FBLN1: variants seen among roughly 807,000 people sequenced by gnomAD.
FBLN1 encodes the protein fibulin-1.
Under a neutral mutation model 89.7 loss-of-function variants are expected in FBLN1, and 34 were observed. The ratio of observed to expected loss-of-function variants is 0.38; its 90% confidence interval spans 0.29 to 0.50. The LOEUF (loss-of-function observed/expected upper bound fraction) is 0.50, where lower values mean the gene tolerates loss of function less well. Among genes scored for constraint, FBLN1 ranks in the 20% least tolerant of loss-of-function variants. The pLI, the probability that FBLN1 is intolerant of heterozygous loss-of-function variation, is 0.92. For missense variants in FBLN1, 777 were observed against 988.1 expected (o/e 0.79, Z 2.86); for synonymous variants, 393 against 391.3 (o/e 1.00, Z -0.05).
rs1031279147 is a variant in FBLN1 at position 45,596,652 on chromosome 22, CATAAT to C, written c.1973-3649_1973-3645del. On this transcript the variant is annotated intron_variant, in intron 16 of 16. Transcript: ENST00000327858. ...TAATATAATTATATACATATATCAA[CATAAT>C]ATAATTATGTACATATAGCAACATA... 4.6e-4 allele frequency among the ~76,000 whole-genome samples: 68 copies of C among 146,774 alleles called. 2 individuals carry two copies. The highest frequency in any genetic ancestry group is 2.7e-4 in the Admixed American group (4 of 14,704).
chr22:45,574,786 T>TC lies in FBLN1; in HGVS notation c.1840+133_1840+134insC. On this transcript the variant is annotated intron_variant, in intron 15 of 16. Transcript: ENST00000327858. This position sits in a 1 kb window ranked among gnomAD's most constrained non-coding sequence, Gnocchi z 4.1. ...TGAAATGCAGAACTTTCTTTTTTTT[T>TC]TTTTTTTTTTTTTGAGACGGAGTCT... 1 of 811,048 alleles carries TC rather than the reference T, an allele frequency of 1.2e-6. No individual in the cohort carries two copies. The highest frequency in any genetic ancestry group is 2.7e-5 in the East Asian group (1 of 37,096). The allele number at this position is 811,048 out of a possible 1,614,324, so 50.2% of individuals were successfully genotyped here.
rs1390192110 is a variant in FBLN1 at position 45,580,091 on chromosome 22, G to C, written c.1972+2983G>C. 6.6e-6 allele frequency among the ~76,000 whole-genome samples: 1 copy of C among 152,178 alleles called. No individual in the cohort carries two copies. The highest frequency in any genetic ancestry group is 2.4e-5 in the African/African-American group (1 of 41,450). Reference sequence around the variant, plus strand: ...TTGTCTCCCTTGGGCAAAGGAGGGAGCTGAGTTAAATGACCGCCTGAGACT... The same window carrying C: ...TTGTCTCCCTTGGGCAAAGGAGGGACCTGAGTTAAATGACCGCCTGAGACT... On this transcript the variant is annotated intron_variant, in intron 16 of 16. Transcript: ENST00000327858. This position sits in a 1 kb window ranked among gnomAD's most constrained non-coding sequence, Gnocchi z 8.6.
At chr22:45,596,159 A>G (rs562233949) in intron 16 of FBLN1, among the ~76,000 whole-genome samples, 37 of 152,180 alleles carry the variant, frequency 2.4e-4, no homozygotes, top group East Asian at 5.8e-4. Context: ...GTGAGCCACT[A>G]CGCCCGGCCA....
rs777551656 is a variant in FBLN1, at chr22:45,563,195, G to A, written c.1698-11316G>A. On this transcript the variant is annotated intron_variant, in intron 14 of 16. Coordinates refer to ENST00000327858, the MANE Select transcript of FBLN1 (RefSeq NM_006486.3). The surrounding 1 kb of genome is among the most constrained non-coding windows in gnomAD (Gnocchi z 5.7). ...GGACTTGCTCCTGACCGTCAAGATGGATCTCTCTCGCCACGGCACCGTCAG... is the reference window on the plus strand; with the variant it reads ...GGACTTGCTCCTGACCGTCAAGATGAATCTCTCTCGCCACGGCACCGTCAG... 4 of 1,613,628 alleles carry A rather than the reference G, an allele frequency of 2.5e-6. No homozygotes were observed. In the South Asian group the frequency reaches 4.4e-5, roughly 18 times the overall value.
chr22:45,531,427 G>A lies in FBLN1; in HGVS notation c.544+103G>A. On this transcript the variant is annotated intron_variant, in intron 5 of 16. Coordinates refer to ENST00000327858, the MANE Select transcript of FBLN1 (RefSeq NM_006486.3). This position sits in a 1 kb window ranked among gnomAD's most constrained non-coding sequence, Gnocchi z 4.9. ...CCTAGTACTTTGGGAAGCCAAGGCA[G>A]GAGGATTCCTTGAGCCCAGGAGGTT... The A allele has an allele frequency of 2.0e-6, 2 of 1,001,884 alleles. No individual in the cohort carries two copies. Among genetic ancestry groups the A allele is most frequent in the Non-Finnish European group, 3.2e-6 (2 of 632,242 alleles). 62.1% of individuals were successfully genotyped at this position (1,001,884 alleles called of 1,614,324 possible).
chr22:45,550,102 A>G lies in FBLN1; in HGVS notation c.1574-390A>G, dbSNP rs1216115816. ...AAAGCTCAGCTCTGACATTTATAAA[A>G]TGTGTGACCTCAGGCAGGTCTCTTA... On this transcript the variant is annotated intron_variant, in intron 13 of 16. Coordinates refer to ENST00000327858, the MANE Select transcript of FBLN1 (RefSeq NM_006486.3). This position sits in a 1 kb window ranked among gnomAD's most constrained non-coding sequence, Gnocchi z 8.4. Among the ~76,000 whole-genome samples, 1 of 152,108 alleles carries G rather than the reference A, an allele frequency of 6.6e-6. No homozygotes were observed.
chr22:45,534,030 A>G, intron 7 of FBLN1, 132 bp downstream of exon 7: 2 of 1,259,836 alleles, frequency 1.6e-6, no homozygotes, highest in South Asian at 2.4e-5. Context: ...CTGCCTGCTC[A>G]TCTGCAGGAG....
rs571637110 is a variant in FBLN1 at position 45,581,366 on chromosome 22, T to C, written c.1972+4258T>C. On this transcript the variant is annotated intron_variant, in intron 16 of 16. Transcript: ENST00000327858. This position sits in a 1 kb window ranked among gnomAD's most constrained non-coding sequence, Gnocchi z 7.6. The stretch of plus-strand genomic sequence containing the variant: ...CTCCACTCAGCCTCAAGACCCAGCA[T>C]GTGTGTGACCACTTCCAAGAAGCCT... 5.9e-5 allele frequency among the ~76,000 whole-genome samples: 9 copies of C among 151,972 alleles called. No homozygotes were observed. The highest frequency in any genetic ancestry group is 1.3e-4 in the Admixed American group (2 of 15,282).
intron 2 of FBLN1, among the ~76,000 whole-genome samples, chr22:45,520,094 C>CG (rs1316167092): frequency 3.3e-5 from 5 of 151,958 alleles, no homozygotes; most frequent in Admixed American, 6.6e-5. Flanking sequence ...CGCTTGAACC[C>CG]GGGAAGCGGA....
chr22:45,555,044 A>G (rs1437467673), intron 14 of FBLN1, among the ~76,000 whole-genome samples: 8 of 150,018 alleles, frequency 5.3e-5, no homozygotes, highest in African/African-American at 1.8e-4. Context: ...GGAGGTTAGG[A>G]CCCGTCCCCG....
rs753833769 is a variant in FBLN1, at chr22:45,523,094, C to T, written c.186-2449C>T. 15 of 766,874 alleles carry T rather than the reference C, an allele frequency of 2.0e-5. No homozygotes were observed. The Middle Eastern group carries it at 6.8e-4, about 35-fold the overall frequency. The allele number at this position is 766,874 out of a possible 1,614,324, so 47.5% of individuals were successfully genotyped here. ...CATGGTGGGTTTATAATTTTAGAGC[C>T]GTGGGGTTGGCCTCACTGTGCCAGG... is the stretch of plus-strand genomic sequence containing the variant. On this transcript the variant is annotated intron_variant, in intron 2 of 16. Coordinates refer to ENST00000327858, the MANE Select transcript of FBLN1 (RefSeq NM_006486.3).
Position 45,576,920 on chromosome 22 carries a change from G to C in FBLN1, c.1841-57G>C, listed in dbSNP as rs888340201. ...AGGGTGAGTTCCTGGGGACGAGGCT[G>C]GGACTGGGGCTGGGGCCAGGCTGTG... On this transcript the variant is annotated intron_variant, in intron 15 of 16. Transcript: ENST00000327858. The surrounding 1 kb of genome is among the most constrained non-coding windows in gnomAD (Gnocchi z 5.2). 6.2e-7 allele frequency: 1 copy of C among 1,607,928 alleles called. No homozygotes were observed. Among genetic ancestry groups the C allele is most frequent in the Admixed American group, 1.7e-5 (1 of 59,950 alleles).
At chr22:45,540,568 T>G (rs2088542311) in intron 8 of FBLN1, among the ~76,000 whole-genome samples, 1 of 152,194 alleles carries the variant, frequency 6.6e-6, no homozygotes. Context: ...GATGCTTAGG[T>G]CCTTTTCCAC....
intron 14 of FBLN1, among the ~76,000 whole-genome samples, chr22:45,560,332 G>C (rs1290855835): frequency 6.6e-6 from 1 of 152,218 alleles, no homozygotes; most frequent in African/African-American, 2.4e-5. Context: ...AGATGCAGGT[G>C]CTGCCCTCAC....
intron 9 of FBLN1, among the ~76,000 whole-genome samples, chr22:45,541,837 C>A (rs1216352197): frequency 6.6e-6 from 1 of 152,240 alleles, no homozygotes; most frequent in African/African-American, 2.4e-5. Flanking sequence ...GGGCACCCAG[C>A]CTGCCTAGAT....
chr22:45,587,205 C>T (rs1025302399), intron 16 of FBLN1, among the ~76,000 whole-genome samples: 3 of 152,130 alleles, frequency 2.0e-5, no homozygotes, highest in African/African-American at 7.2e-5. Context: ...CCACAGCCGG[C>T]GTTGCTGTGA....
chr22:45,525,683 G>A lies in FBLN1; in HGVS notation c.321+5G>A, dbSNP rs1027120417. ...CTGGAGGCCACATTTGTGAAGGTGAGAGCCAAAGACCATGTGGGGTCGCTG... is the reference window on the plus strand; with the variant it reads ...CTGGAGGCCACATTTGTGAAGGTGAAAGCCAAAGACCATGTGGGGTCGCTG... On this transcript the variant is annotated splice_donor_5th_base_variant and intron_variant, in intron 3 of 16. Transcript: ENST00000327858. 1.3e-6 allele frequency: 2 copies of A among 1,551,440 alleles called. No homozygotes were observed. Among genetic ancestry groups the A allele is most frequent in the East Asian group, 2.4e-5 (1 of 40,920 alleles).
In FBLN1 at chr22:45,562,794, G is replaced by A. The variant is rs1231746964; in HGVS notation, c.1698-11717G>A. On this transcript the variant is annotated intron_variant, in intron 14 of 16. Transcript: ENST00000327858. This position sits in a 1 kb window ranked among gnomAD's most constrained non-coding sequence, Gnocchi z 7.8. ...TGTGCCCTTCGTGTTGGCTGAATCG[G>A]CCAGAGGGGCGGCGGGAGGCCCCGC... 2.0e-6 allele frequency: 2 copies of A among 995,706 alleles called. No individual in the cohort carries two copies. Among genetic ancestry groups the A allele is most frequent in the African/African-American group, 1.6e-5 (1 of 63,422 alleles). The allele number at this position is 995,706 out of a possible 1,614,324, so 61.7% of individuals were successfully genotyped here.
rs920516809 is a variant in FBLN1 at position 45,576,423 on chromosome 22, CCTTACAGGTGAGGAAA to C, written c.1841-551_1841-536del. 6.6e-6 allele frequency among the ~76,000 whole-genome samples: 1 copy of C among 152,110 alleles called. No individual in the cohort carries two copies. The highest frequency in any genetic ancestry group is 2.4e-5 in the African/African-American group (1 of 41,414). ...GGGTCTCCGCCGGCTTCCTTCCTCA[CCTTACAGGTGAGGAAA>C]CTGAGGCCCACAGAGAGGACTCCCC... On this transcript the variant is annotated intron_variant, in intron 15 of 16. Transcript: ENST00000327858. The surrounding 1 kb of genome is among the most constrained non-coding windows in gnomAD (Gnocchi z 5.2).
Sources: gnomAD v4.1 joint callset for allele counts (sites outside exome capture counted in the v4.1 genomes callset) on GRCh38, gnomAD v4.1.1 for gene constraint, Gnocchi (gnomAD v3.1) non-coding constraint, MANE v1.5 for transcripts, NCBI Gene and HGNC (gene_info 2026-07-23, HGNC 2026-07-21) for gene names.